The following ZNF502 variants were observed in gnomAD, a reference collection of about 807,000 sequenced individuals.
The protein encoded by ZNF502 is zinc finger protein 502.
ZNF502 carries 29 observed loss-of-function variants against 43.6 expected under a neutral mutation model. That is an observed-to-expected ratio of 0.67 (90% CI 0.50 to 0.91). The LOEUF is 0.91. Among genes scored for constraint, ZNF502 ranks in the 40% least tolerant of loss-of-function variants. The pLI, the probability that ZNF502 is intolerant of heterozygous loss-of-function variation, is 0.00. For synonymous variants in ZNF502, 171 were observed against 207.4 expected, an observed-to-expected ratio of 0.82 and a Z score of 1.51; for missense variants, 591 against 647.2, an observed-to-expected ratio of 0.91 and a Z score of 0.94.
chr3:44,720,383 A>G, intron 2 of ZNF502, 67 bp downstream of exon 2: 1 of 1,531,538 alleles, frequency 6.5e-7, no homozygotes, highest in Non-Finnish European at 9.0e-7. Flanking sequence ...GAAATTTTAG[A>G]GGACAAGCTG....
chr3:44,714,533 CTATATT>C (rs529192263), intron 1 of ZNF502: 93 of 152,276 alleles, frequency 6.1e-4, no homozygotes, highest in African/African-American at 2.2e-3. Context: ...GAGACAGAGA[CTATATT>C]TTCCATTTAA....
chr3:44,721,488 C>T lies in ZNF502; in HGVS notation c.671C>T (p.Ser224Leu). ...TGTGGGAAAACATTTCGATGTCGAT[C>T]ATTTCTTACTCAGCATCAAAGAATT... ...EQCGKTFRCR[S>L]FLTQHQRIHT... Residue 224 changes from serine to leucine, a missense_variant, in exon 3 of 3, where the codon TCA becomes TTA. Physicochemically the swap from Ser to Leu is moderately radical, Grantham distance 145. Transcript: ENST00000436624. 6.2e-7 allele frequency: 1 copy of T among 1,614,198 alleles called. No homozygotes were observed.
At position 44,723,706 on chromosome 3, in the gene ZNF502, T is replaced by C. The variant is rs960022861; in HGVS notation, c.*1254T>C. 1.3e-5 allele frequency: 2 copies of C among 152,224 alleles called. No homozygotes were observed. Among genetic ancestry groups the C allele is most frequent in the Non-Finnish European group, 2.9e-5 (2 of 68,034 alleles). 9.4% of individuals were successfully genotyped at this position (152,224 alleles called of 1,614,324 possible). On this transcript the variant is annotated 3_prime_UTR_variant, in exon 3 of 3. Transcript: ENST00000436624. ...AAATTCCTTTCATGTTCTTAACTGC[T>C]ACCCAGAAATTGAGCTTCAGAAGAT...
chr3:44,720,679 C>T (rs576436374), intron 2 of ZNF502, among the ~76,000 whole-genome samples, 194 bp from the exon 3 acceptor site: 32 of 152,244 alleles, frequency 2.1e-4, no homozygotes, highest in Middle Eastern at 3.4e-3. Context: ...GGGAGTTCCT[C>T]GTTAATGGTG....
Position 44,722,577 on chromosome 3 carries a change from G to C in ZNF502, c.*125G>C, listed in dbSNP as rs1704392824. The stretch of plus-strand genomic sequence containing the variant: ...AGCCTTGGCTACTGTACTCTGAGAG[G>C]AATGTTTCCAGAAATGGAGGTGGGA... On this transcript the variant is annotated 3_prime_UTR_variant, in exon 3 of 3. Transcript: ENST00000436624. 1 of 1,288,642 alleles carries C rather than the reference G, an allele frequency of 7.8e-7. No individual in the cohort carries two copies. Among genetic ancestry groups the C allele is most frequent in the Non-Finnish European group, 1.0e-6 (1 of 952,454 alleles). The allele number at this position is 1,288,642 out of a possible 1,614,324, so 79.8% of individuals were successfully genotyped here.
intron 1 of ZNF502, among the ~76,000 whole-genome samples, chr3:44,715,018 T>G (rs1323130163): frequency 1.3e-5 from 2 of 152,150 alleles, no homozygotes; most frequent in East Asian, 3.8e-4. Context: ...AAAAGTAACT[T>G]TTTCTACCTA....
intron 1 of ZNF502, among the ~76,000 whole-genome samples, chr3:44,719,345 TATTATG>T (rs1480156071): frequency 5.3e-5 from 8 of 152,214 alleles, no homozygotes; most frequent in Admixed American, 1.3e-4. Flanking sequence ...AGACCAAGCT[TATTATG>T]TACTTGAGCA....
rs6795483 is a variant in ZNF502 at position 44,720,360 on chromosome 3, T to C, written c.55+44T>C. On this transcript the variant is annotated intron_variant, in intron 2 of 2. Coordinates refer to ENST00000436624, the MANE Select transcript of ZNF502 (RefSeq NM_001134442.3). ...AGCAGTGGGAGAAATAGTCAGCCAA[T>C]AGGAAGCCTTTGGAAATTTTAGAGG... 9.2e-3 allele frequency: 14,654 copies of C among 1,601,208 alleles called. 145 individuals are homozygous for C. The highest frequency in any genetic ancestry group is 0.038 in the African/African-American group (2,865 of 74,514).
rs774694611 is a variant in ZNF502 at position 44,721,036 on chromosome 3, T to C, written c.219T>C (p.Ala73=). 6.2e-6 allele frequency: 10 copies of C among 1,614,160 alleles called. No homozygotes were observed. The highest frequency in any genetic ancestry group is 7.6e-6 in the Non-Finnish European group (9 of 1,179,998). ...GMKENSPREI[A]ESCLFQEGGF... is the part of the protein sequence containing the mutation. ...AGGAAAACTCTCCTAGGGAGATTGC[T>C]GAATCATGCCTTTTCCAGGAAGGAG... The change falls in exon 3 of 3, where the codon GCT becomes GCC. Residue 73 remains alanine, a synonymous_variant. Coordinates refer to ENST00000436624, the MANE Select transcript of ZNF502 (RefSeq NM_001134442.3).
intron 1 of ZNF502, among the ~76,000 whole-genome samples, chr3:44,716,312 T>G (rs1704144399): frequency 6.6e-6 from 1 of 151,786 alleles, no homozygotes; most frequent in Non-Finnish European, 1.5e-5. Context: ...CTCAGCCTCC[T>G]GAGTAGCTGA....
At chr3:44,719,835 A>T (rs893310426) in intron 1 of ZNF502, among the ~76,000 whole-genome samples, 2 of 152,246 alleles carry the variant, frequency 1.3e-5, no homozygotes, top group African/African-American at 4.8e-5. Context: ...TAACTATATT[A>T]ACTGGCTTTT....
intron 1 of ZNF502, among the ~76,000 whole-genome samples, chr3:44,718,724 A>G (rs1038945871): frequency 6.6e-6 from 1 of 152,150 alleles, no homozygotes; most frequent in Non-Finnish European, 1.5e-5. Context: ...GTAGCACCCC[A>G]TACTTGCAGT....
In ZNF502 at chr3:44,722,063, T is replaced by G; in HGVS notation, c.1246T>G (p.Phe416Val). 6.2e-7 allele frequency: 1 copy of G among 1,614,166 alleles called. No individual in the cohort carries two copies. Among genetic ancestry groups the G allele is most frequent in the Non-Finnish European group, 8.5e-7 (1 of 1,180,026 alleles). The part of the protein sequence containing the change: ...PYKCSECGKA[F>V]IQSICLIRHQ... ...CAAATGCAGTGAATGTGGTAAAGCC[T>G]TCATTCAGAGCATTTGCCTTATTCG... The change falls in exon 3 of 3, where the codon TTC (phenylalanine) becomes GTC (valine). Residue 416 changes from phenylalanine (F) to valine (V), a missense_variant. Coordinates refer to ENST00000436624, the MANE Select transcript of ZNF502 (RefSeq NM_001134442.3).
chr3:44,720,367 CCT>C (rs1559500097), intron 2 of ZNF502, 51 bp downstream of exon 2: 1 of 1,591,208 alleles, frequency 6.3e-7, no homozygotes, highest in East Asian at 2.2e-5. Flanking sequence ...CAATAGGAAG[CCT>C]TTGGAAATTT....
chr3:44,722,741 C>T lies in ZNF502; in HGVS notation c.*289C>T, dbSNP rs1408188566. On this transcript the variant is annotated 3_prime_UTR_variant, in exon 3 of 3. Coordinates refer to ENST00000436624, the MANE Select transcript of ZNF502 (RefSeq NM_001134442.3). ...TACAGCTTGAGGAGGCATTTGTTAG[C>T]ACTTCTGTTCACTTTACTACATCCT... is the stretch of plus-strand genomic sequence containing the variant. 6.1e-6 allele frequency: 2 copies of T among 330,032 alleles called. No individual in the cohort carries two copies. Among genetic ancestry groups the T allele is most frequent in the Non-Finnish European group, 1.1e-5 (2 of 181,336 alleles). 20.4% of individuals were successfully genotyped at this position (330,032 alleles called of 1,614,324 possible).
At chr3:44,716,352 T>A (rs1301700366) in intron 1 of ZNF502, among the ~76,000 whole-genome samples, 1 of 151,826 alleles carries the variant, frequency 6.6e-6, no homozygotes, top group East Asian at 1.9e-4. Context: ...TGCGCCCGGC[T>A]AATTTTTTGT....
In ZNF502 at chr3:44,721,888, C is replaced by CA. The variant is rs770715581; in HGVS notation, c.1074dup (p.Ala359SerfsTer10). The CA allele has an allele frequency of 6.8e-6, 11 of 1,613,792 alleles. No homozygotes were observed. In the Admixed American group the frequency reaches 1.8e-4, roughly 27 times the overall value. ...AACCCTATAAATGTAAAGAATGTGG[C>CA]AAAGCCTTTTGTCAGAGCCCATCTC... On this transcript the variant is annotated frameshift_variant, in exon 3 of 3. Transcript: ENST00000436624. LOFTEE classifies it high-confidence loss of function.
intron 1 of ZNF502, among the ~76,000 whole-genome samples, chr3:44,718,819 T>G (rs1383901443): frequency 6.6e-6 from 1 of 152,140 alleles, no homozygotes; most frequent in Non-Finnish European, 1.5e-5. Flanking sequence ...GTGTCTGGCT[T>G]CTTTTTCCAG....
At position 44,723,007 on chromosome 3, in the gene ZNF502, A is replaced by G. The variant is rs1303767156; in HGVS notation, c.*555A>G. On this transcript the variant is annotated 3_prime_UTR_variant, in exon 3 of 3. Coordinates refer to ENST00000436624, the MANE Select transcript of ZNF502 (RefSeq NM_001134442.3). The stretch of plus-strand genomic sequence containing the variant: ...AAAAAAAAAAAAAAAATCCATATCC[A>G]TTCATTAAAAAAATGAGATATAAAG... The G allele has an allele frequency of 6.7e-6, 1 of 150,124 alleles. No homozygotes were observed. Among genetic ancestry groups the G allele is most frequent in the East Asian group, 2.0e-4 (1 of 5,078 alleles). The allele number at this position is 150,124 out of a possible 1,614,324, so 9.3% of individuals were successfully genotyped here. A position where few individuals can be genotyped will look rare whatever the true frequency, so the allele number is the denominator to read the frequency against.
Sources: gnomAD v4.1 joint callset for allele counts (sites outside exome capture counted in the v4.1 genomes callset) on GRCh38, gnomAD v4.1.1 for gene constraint, MANE v1.5 for transcripts, NCBI Gene and HGNC (gene_info 2026-07-23, HGNC 2026-07-21) for gene names.